The following NT5C3B variants were observed in gnomAD, a reference collection of about 807,000 sequenced individuals.
The protein encoded by NT5C3B is 7-methylguanosine phosphate-specific 5'-nucleotidase.
In NT5C3B, 28 loss-of-function variants were observed where a neutral mutation model predicts 32.5. The observed-to-expected ratio is 0.86, with a 90% confidence interval of 0.64 to 1.18. The LOEUF is 1.18. Ranked by LOEUF, NT5C3B falls within the 50% of genes most tolerant of loss-of-function variation. The pLI is 0.00. For missense variants in NT5C3B, 317 were observed against 322.0 expected (o/e 0.98, Z 0.12); for synonymous variants, 138 against 118.0 (o/e 1.17, Z -1.10).
intron 4 of NT5C3B, among the ~76,000 whole-genome samples, chr17:41,833,700 CA>C (rs1287016095): frequency 2.0e-5 from 3 of 151,578 alleles, no homozygotes; most frequent in Non-Finnish European, 2.9e-5. Flanking sequence ...ACAGATATGG[CA>C]AAAAAAATGA....
intron 5 of NT5C3B, among the ~76,000 whole-genome samples, chr17:41,831,164 C>T (rs1039890447): frequency 2.0e-5 from 3 of 151,932 alleles, no homozygotes; most frequent in Non-Finnish European, 2.9e-5. Flanking sequence ...GCTAAAAATA[C>T]AAAAATTAGC....
chr17:41,831,305 G>A (rs1404506688), intron 5 of NT5C3B, among the ~76,000 whole-genome samples: 1 of 125,384 alleles, frequency 8.0e-6, no homozygotes, highest in Non-Finnish European at 1.7e-5. Context: ...GGGTGACAGA[G>A]TGAGACTCCA....
Position 41,827,641 on chromosome 17 carries a change from CAA to C in NT5C3B, c.568-17_568-16del, listed in dbSNP as rs782705619. The stretch of plus-strand genomic sequence containing the variant: ...TGGAGAAAACCCTAAATAATGAAGA[CAA>C]GAGACAGATGGAAGGGCTGCAGGGA... On this transcript the variant is annotated splice_polypyrimidine_tract_variant and intron_variant, in intron 7 of 8. Transcript: ENST00000435506. The C allele has an allele frequency of 1.7e-5, 14 of 846,844 alleles. No homozygotes were observed. The African/African-American group carries it at 1.8e-4, about 11-fold the overall frequency. The allele number at this position is 846,844 out of a possible 1,614,324, so 52.5% of individuals were successfully genotyped here.
At position 41,835,772 on chromosome 17, in the gene NT5C3B, C is replaced by T. The variant is rs2048141135; in HGVS notation, c.111+87G>A. 3.1e-6 allele frequency: 4 copies of T among 1,303,568 alleles called. No individual in the cohort carries two copies. The African/African-American group carries it at 4.4e-5, about 14-fold the overall frequency. 80.8% of individuals were successfully genotyped at this position (1,303,568 alleles called of 1,614,324 possible). On this transcript the variant is annotated intron_variant, in intron 2 of 8. Transcript: ENST00000435506. Reference sequence around the variant, plus strand: ...GGGGCAGAGAGCTAGGAGGGGTCCGCGGCAGAGCAAAGCGGGAAGGCCCAA... The same window carrying T: ...GGGGCAGAGAGCTAGGAGGGGTCCGTGGCAGAGCAAAGCGGGAAGGCCCAA...
At chr17:41,829,317 G>A (rs1482521664) in intron 6 of NT5C3B, among the ~76,000 whole-genome samples, 2 of 152,040 alleles carry the variant, frequency 1.3e-5, no homozygotes, top group Non-Finnish European at 2.9e-5. Flanking sequence ...GCGAGATCGC[G>A]CCACTGCACT....
In NT5C3B at chr17:41,825,519, G is replaced by A. The variant is rs373314059; in HGVS notation, c.*4C>T. ...GCCTGCAGGCCGGGCTGGAGCCTGC[G>A]CCTTCAGGGGCCTTGCATCTCCAGC... On this transcript the variant is annotated 3_prime_UTR_variant, in exon 9 of 9. Transcript: ENST00000435506. 18 of 871,672 alleles carry A rather than the reference G, an allele frequency of 2.1e-5. No individual in the cohort carries two copies. The highest frequency in any genetic ancestry group is 6.5e-5 in the South Asian group (5 of 76,496). 54.0% of individuals were successfully genotyped at this position (871,672 alleles called of 1,614,324 possible). A position where few individuals can be genotyped will look rare whatever the true frequency, so the allele number is the denominator to read the frequency against.
At position 41,836,029 on chromosome 17, in the gene NT5C3B, G is replaced by A. The variant is rs1486154207; in HGVS notation, c.13-72C>T. On this transcript the variant is annotated intron_variant, in intron 1 of 8. Transcript: ENST00000435506. ...CCCGAGGGGAGCCCGGGGCTCGCTC[G>A]GGCGCGCGTGTGAGGCGGGGCCGGG... 5 of 1,447,086 alleles carry A rather than the reference G, an allele frequency of 3.5e-6. No homozygotes were observed. The African/African-American group carries it at 4.5e-5, about 13-fold the overall frequency. The allele number at this position is 1,447,086 out of a possible 1,614,324, so 89.6% of individuals were successfully genotyped here.
Position 41,825,504 on chromosome 17 carries a change from C to A in NT5C3B, c.*19G>T. The A allele has an allele frequency of 1.2e-6, 1 of 869,350 alleles. No individual in the cohort carries two copies. The highest frequency in any genetic ancestry group is 2.0e-6 in the Non-Finnish European group (1 of 500,406). The allele number at this position is 869,350 out of a possible 1,614,324, so 53.9% of individuals were successfully genotyped here. The stretch of plus-strand genomic sequence containing the variant: ...CCCCTCCTCACCACGGCCTGCAGGC[C>A]GGGCTGGAGCCTGCGCCTTCAGGGG... On this transcript the variant is annotated 3_prime_UTR_variant, in exon 9 of 9. Coordinates refer to ENST00000435506, the MANE Select transcript of NT5C3B (RefSeq NM_052935.5).
In NT5C3B at chr17:41,831,672, G is replaced by A. The variant is rs2048054119; in HGVS notation, c.314+720C>T. ...CTTCCACAATGAGATAATGCAGCAA[G>A]AAGGCCCTCGCCAAATGCCAGCCAG... On this transcript the variant is annotated intron_variant, in intron 5 of 8. Coordinates refer to ENST00000435506, the MANE Select transcript of NT5C3B (RefSeq NM_052935.5). 4.6e-5 allele frequency among the ~76,000 whole-genome samples: 7 copies of A among 152,170 alleles called. No individual in the cohort carries two copies. In the South Asian group the frequency reaches 1.4e-3, roughly 32 times the overall value.
In NT5C3B at chr17:41,827,478, T is replaced by C. The variant is rs782537797; in HGVS notation, c.716A>G (p.Asp239Gly). The change falls in exon 8 of 9, where the codon GAT becomes GGT. Residue 239 changes from aspartate to glycine, a missense_variant. Coordinates refer to ENST00000435506, the MANE Select transcript of NT5C3B (RefSeq NM_052935.5). ...AATGTTCTGCACACCAGGAACCCCA[T>C]CGGCCATGGTGAGGTCCCCGATAGA... The part of the protein sequence containing the change: ...GDSIGDLTMA[D>G]GVPGVQNILK... 4.6e-6 allele frequency: 4 copies of C among 872,816 alleles called. No homozygotes were observed. The East Asian group carries it at 9.6e-5, about 21-fold the overall frequency. The allele number at this position is 872,816 out of a possible 1,614,324, so 54.1% of individuals were successfully genotyped here. A position where few individuals can be genotyped will look rare whatever the true frequency, so the allele number is the denominator to read the frequency against.
intron 2 of NT5C3B, 46 bp downstream of exon 2, chr17:41,835,813 T>C: frequency 6.5e-7 from 1 of 1,542,758 alleles, no homozygotes; most frequent in Non-Finnish European, 8.8e-7. Context: ...AGGAAGCCTC[T>C]CCAGCCGCCC....
chr17:41,831,143 AC>A (rs2048044547), intron 5 of NT5C3B, among the ~76,000 whole-genome samples: 1 of 152,008 alleles, frequency 6.6e-6, no homozygotes, highest in Non-Finnish European at 1.5e-5. Flanking sequence ...GCATGGTGAA[AC>A]CCTGTCTCCG....
intron 6 of NT5C3B, among the ~76,000 whole-genome samples, chr17:41,830,041 C>T (rs2048026282): frequency 1.3e-5 from 2 of 152,276 alleles, no homozygotes; most frequent in South Asian, 2.1e-4. Context: ...GGCAGGCACC[C>T]ATGTCACTCC....
chr17:41,828,039 C>T (rs1250534210), intron 7 of NT5C3B, among the ~76,000 whole-genome samples: 1 of 152,202 alleles, frequency 6.6e-6, no homozygotes, highest in Non-Finnish European at 1.5e-5. Flanking sequence ...ATATAAATGC[C>T]ACTCAGGTTA....
chr17:41,826,584 C>T lies in NT5C3B; in HGVS notation c.768+842G>A, dbSNP rs1257883799. Among the ~76,000 whole-genome samples, 4 of 151,928 alleles carry T rather than the reference C, an allele frequency of 2.6e-5. No homozygotes were observed. In the East Asian group the frequency reaches 5.9e-4, roughly 22 times the overall value. ...TGTCACCCAGACTGGAGTGCAGTGG[C>T]GCAATCTCAGCTCACCCAGGAGATG... On this transcript the variant is annotated intron_variant, in intron 8 of 8. Transcript: ENST00000435506.
In NT5C3B at chr17:41,825,477, C is replaced by T. The variant is rs782748464; in HGVS notation, c.*46G>A. 5.9e-6 allele frequency: 5 copies of T among 844,838 alleles called. No homozygotes were observed. Among genetic ancestry groups the T allele is most frequent in the East Asian group, 4.9e-5 (2 of 40,962 alleles). The allele number at this position is 844,838 out of a possible 1,614,324, so 52.3% of individuals were successfully genotyped here. A position where few individuals can be genotyped will look rare whatever the true frequency, so the allele number is the denominator to read the frequency against. ...CACGGGGGAGCAGACTCTGGGGAGG[C>T]GCCCCTCCTCACCACGGCCTGCAGG... On this transcript the variant is annotated 3_prime_UTR_variant, in exon 9 of 9. Coordinates refer to ENST00000435506, the MANE Select transcript of NT5C3B (RefSeq NM_052935.5).
Position 41,832,415 on chromosome 17 carries a change from C to A in NT5C3B, c.291G>T (p.Glu97Asp), listed in dbSNP as rs782636792. 6.2e-7 allele frequency: 1 copy of A among 1,613,846 alleles called. No individual in the cohort carries two copies. Among genetic ancestry groups the A allele is most frequent in the South Asian group, 1.1e-5 (1 of 91,074 alleles). Residue 97 changes from glutamate to aspartate, a missense_variant, in exon 5 of 9, where the codon GAG (glutamate) becomes GAT (aspartate). Glu to Asp is a conservative substitution (Grantham distance 45). Coordinates refer to ENST00000435506, the MANE Select transcript of NT5C3B (RefSeq NM_052935.5). The part of the protein sequence containing the change: ...IEIDPHRTVK[E>D]KLPHMVEWWT... ...ACCATTCCACCATATGAGGTAGCTT[C>A]TCCTTGACGGTCCGGTGTGGGTCGA... is the stretch of plus-strand genomic sequence containing the variant.
rs782477195 is a variant in NT5C3B, at chr17:41,828,843, C to CT, written c.513dup (p.Val172SerfsTer11). ...ACGATGTGGATGTTGGGGTGGAACA[C>CT]TTTCATCTGTCGGATAATTTCTTCC... is the stretch of plus-strand genomic sequence containing the variant. On this transcript the variant is annotated frameshift_variant, in exon 7 of 9. Transcript: ENST00000435506. LOFTEE classifies it high-confidence loss of function. 32 of 1,613,914 alleles carry CT rather than the reference C, an allele frequency of 2.0e-5. No homozygotes were observed. The highest frequency in any genetic ancestry group is 2.5e-5 in the Non-Finnish European group (30 of 1,179,952).
intron 8 of NT5C3B, among the ~76,000 whole-genome samples, chr17:41,827,014 A>G (rs1190078516): frequency 6.6e-6 from 1 of 151,358 alleles, no homozygotes; most frequent in Non-Finnish European, 1.5e-5. Context: ...AAAAAAAAAA[A>G]AAGAAAAAAA....
Sources: allele counts gnomAD v4.1 joint callset (sites outside exome capture counted in the v4.1 genomes callset), GRCh38; gene constraint gnomAD v4.1.1; transcripts MANE v1.5; gene names NCBI Gene and HGNC (gene_info 2026-07-23, HGNC 2026-07-21).